SREBF1: variants seen among roughly 807,000 people sequenced by gnomAD.
SREBF1 encodes sterol regulatory element binding transcription factor 1, also known as sterol regulatory element-binding protein 1.
SREBF1 carries 45 observed loss-of-function variants against 100.1 expected under a neutral mutation model. The ratio of observed to expected loss-of-function variants is 0.45; its 90% CI spans 0.35 to 0.58. SREBF1 has a LOEUF of 0.58. Ranked by LOEUF, SREBF1 falls within the 20% of genes least tolerant of loss-of-function variation. The pLI is 0.00. For synonymous variants in SREBF1, 657 were observed against 681.8 expected, an observed-to-expected ratio of 0.96 and a Z score of 0.57; for missense variants, 1,324 against 1,539.4, an observed-to-expected ratio of 0.86 and a Z score of 2.34.
Position 17,812,821 on chromosome 17 carries a change from G to T in SREBF1, c.3245C>A (p.Thr1082Lys). Reference sequence around the variant, plus strand: ...CAAGGCCTCCGCGTGCTCCCGCCGCGTGGGCCGCGGCTCCAGCTCCGCCAC... The same window carrying T: ...CAAGGCCTCCGCGTGCTCCCGCCGCTTGGGCCGCGGCTCCAGCTCCGCCAC... ...GAVAELEPRP[T>K]RREHAEALLL... The change falls in exon 19 of 19, where the codon ACG becomes AAG. Residue 1082 changes from threonine (T) to lysine (K), a missense_variant. Coordinates refer to ENST00000261646, the MANE Select transcript of SREBF1 (RefSeq NM_004176.5). 1.4e-6 allele frequency: 2 copies of T among 1,480,854 alleles called. No individual in the cohort carries two copies. Among genetic ancestry groups the T allele is most frequent in the Non-Finnish European group, 1.8e-6 (2 of 1,122,038 alleles). 91.7% of individuals were successfully genotyped at this position (1,480,854 alleles called of 1,614,324 possible).
intron 1 of SREBF1, among the ~76,000 whole-genome samples, chr17:17,828,682 A>G (rs1359649229): frequency 1.3e-5 from 2 of 152,152 alleles, no homozygotes; most frequent in Non-Finnish European, 2.9e-5. Context: ...TTGGGAGGCA[A>G]AGGCAGGCAG....
Position 17,812,115 on chromosome 17 carries a change from TCTC to T in SREBF1, c.*504_*506del, listed in dbSNP as rs1338896078. 5.2e-5 allele frequency: 22 copies of T among 423,726 alleles called. No homozygotes were observed. The highest frequency in any genetic ancestry group is 7.7e-5 in the Non-Finnish European group (17 of 219,936). The allele number at this position is 423,726 out of a possible 1,614,324, so 26.2% of individuals were successfully genotyped here. A position where few individuals can be genotyped will look rare whatever the true frequency, so the allele number is the denominator to read the frequency against. On this transcript the variant is annotated 3_prime_UTR_variant, in exon 19 of 19. Coordinates refer to ENST00000261646, the MANE Select transcript of SREBF1 (RefSeq NM_004176.5). ...CATTTTTAATTCTCTGTACAAAACT[TCTC>T]AATCTATGAAAATAAAGTTTGCAAA...
intron 1 of SREBF1, chr17:17,820,899 A>G (rs1356805443): frequency 3.0e-6 from 1 of 330,482 alleles, no homozygotes; most frequent in Non-Finnish European, 5.8e-6. Context: ...ACATCTAGAA[A>G]CATCCTTAGT....
chr17:17,818,870 GA>G, intron 5 of SREBF1, 142 bp downstream of exon 5: 1 of 945,230 alleles, frequency 1.1e-6, no homozygotes, highest in Non-Finnish European at 1.7e-6. Context: ...CTAAATAAAC[GA>G]GGCTGGCCAG....
chr17:17,832,385 A>AC (rs1043937798), intron 1 of SREBF1, among the ~76,000 whole-genome samples: 4 of 151,556 alleles, frequency 2.6e-5, no homozygotes, highest in African/African-American at 9.7e-5. Flanking sequence ...CCCTGCTCTG[A>AC]CCCCCGACTG....
chr17:17,816,760 G>C, intron 9 of SREBF1, 42 bp from the exon 10 acceptor site: 1 of 1,566,760 alleles, frequency 6.4e-7, no homozygotes, highest in Non-Finnish European at 8.6e-7. Flanking sequence ...TGAGGTCAGA[G>C]CAGCTGCCCC....
intron 1 of SREBF1, among the ~76,000 whole-genome samples, chr17:17,833,397 G>T (rs2034998121): frequency 7.9e-6 from 1 of 126,736 alleles, no homozygotes; most frequent in African/African-American, 3.1e-5. Context: ...CTCCAGCCTG[G>T]GCGACAGAGC....
Position 17,813,752 on chromosome 17 carries a change from C to T in SREBF1, c.2919G>A (p.Leu973=), listed in dbSNP as rs1308006994. 2.0e-5 allele frequency: 30 copies of T among 1,535,518 alleles called. No homozygotes were observed. The highest frequency in any genetic ancestry group is 2.5e-5 in the Non-Finnish European group (29 of 1,146,796). Residue 973 remains leucine, a synonymous_variant, in exon 17 of 19, where the codon CTG becomes CTA. Transcript: ENST00000261646. ...SSIDKAVQLF[L]CDLLLVVRTS... ...TGCGCACCACAAGAAGCAGGTCACA[C>T]AGGAACAGCTGCACGGCCTGGGGGT...
In SREBF1 at chr17:17,812,760, C is replaced by T; in HGVS notation, c.3306G>A (p.Leu1102=). 1 of 1,540,450 alleles carries T rather than the reference C, an allele frequency of 6.5e-7. No individual in the cohort carries two copies. Among genetic ancestry groups the T allele is most frequent in the South Asian group, 1.2e-5 (1 of 84,896 alleles). Residue 1102 remains leucine (L), a synonymous_variant, in exon 19 of 19, where the codon CTG becomes CTA. Transcript: ENST00000261646. ...TGCCCACGCGCTGCCCGGGCGCCGACAGGAAGCCGGGGGGCAGGTAGCAGG... is the reference window on the plus strand; with the variant it reads ...TGCCCACGCGCTGCCCGGGCGCCGATAGGAAGCCGGGGGGCAGGTAGCAGG... ...LASCYLPPGF[L]SAPGQRVGML... is the part of the protein sequence containing the mutation.
At chr17:17,828,479 G>C (rs1697734594) in intron 1 of SREBF1, among the ~76,000 whole-genome samples, 2 of 152,214 alleles carry the variant, frequency 1.3e-5, no homozygotes, top group African/African-American at 4.8e-5. Context: ...ATGTGATGCT[G>C]GTCGGCACCA....
rs1431903380 is a variant in SREBF1 at position 17,819,007 on chromosome 17, C to T, written c.1068+6G>A. The T allele has an allele frequency of 1.2e-6, 2 of 1,612,512 alleles. No individual in the cohort carries two copies. Among genetic ancestry groups the T allele is most frequent in the Non-Finnish European group, 1.7e-6 (2 of 1,180,028 alleles). ...CCGGTCTGTGCCCCTGCAGGCCTCT[C>T]CACACCTTTGCCTCAGTGCCCACCA... On this transcript the variant is annotated splice_donor_region_variant and intron_variant, in intron 5 of 18. Coordinates refer to ENST00000261646, the MANE Select transcript of SREBF1 (RefSeq NM_004176.5).
In SREBF1 at chr17:17,816,039, G is replaced by T; in HGVS notation, c.2215-11C>A. 4 of 1,611,052 alleles carry T rather than the reference G, an allele frequency of 2.5e-6. No homozygotes were observed. Among genetic ancestry groups the T allele is most frequent in the Non-Finnish European group, 3.4e-6 (4 of 1,179,134 alleles). ...GCTCAGGAAGAAGCGCTGTAGGGGA[G>T]GGTACTGGGCTGTCACAGTGGACAC... is the stretch of plus-strand genomic sequence containing the variant. On this transcript the variant is annotated splice_polypyrimidine_tract_variant and intron_variant, in intron 11 of 18. Coordinates refer to ENST00000261646, the MANE Select transcript of SREBF1 (RefSeq NM_004176.5).
At chr17:17,816,078 A>G in intron 11 of SREBF1, 50 bp from the exon 12 acceptor site, 1 of 1,598,074 alleles carries the variant, frequency 6.3e-7, no homozygotes, top group Non-Finnish European at 8.5e-7. Flanking sequence ...CTGGGGCCAG[A>G]CCCCGGGCCG....
chr17:17,829,191 T>TAAAA lies in SREBF1; in HGVS notation c.91+7532_91+7535dup, dbSNP rs1253225038. 1.0e-3 allele frequency among the ~76,000 whole-genome samples: 46 copies of TAAAA among 44,928 alleles called. 2 individuals are homozygous for TAAAA. Among genetic ancestry groups the TAAAA allele is most frequent in the African/African-American group, 5.3e-3 (44 of 8,260 alleles). 29.5% of individuals were successfully genotyped at this position (44,928 alleles called of 152,430 possible). A position where few individuals can be genotyped will look rare whatever the true frequency, so the allele number is the denominator to read the frequency against. On this transcript the variant is annotated intron_variant, in intron 1 of 18. Transcript: ENST00000261646. ...CTGGTGACAGAACGAGACTCCATCT[T>TAAAA]AAAAAAAAAAAAAAATATATATATA...
Position 17,819,101 on chromosome 17 carries a change from G to C in SREBF1, c.980C>G (p.Ala327Gly). The C allele has an allele frequency of 6.2e-7, 1 of 1,614,070 alleles. No homozygotes were observed. Among genetic ancestry groups the C allele is most frequent in the Non-Finnish European group, 8.5e-7 (1 of 1,180,048 alleles). Residue 327 changes from alanine to glycine, a missense_variant, in exon 5 of 19, where the codon GCC becomes GGC. Ala to Gly is a moderately conservative substitution (Grantham distance 60, BLOSUM62 0). Coordinates refer to ENST00000261646, the MANE Select transcript of SREBF1 (RefSeq NM_004176.5). ...GTAGCGCTTCTCAATGGCGTTGTGG[G>C]CTGTGCGCTTCTCTCCACGGCTCTG... is the stretch of plus-strand genomic sequence containing the variant. ...SAQSRGEKRT[A>G]HNAIEKRYRS... is the part of the protein sequence containing the mutation.
At chr17:17,836,239 G>A (rs1030736305) in intron 1 of SREBF1, among the ~76,000 whole-genome samples, 1 of 152,292 alleles carries the variant, frequency 6.6e-6, no homozygotes, top group African/African-American at 2.4e-5. Context: ...CCCGACACGA[G>A]GCGGGGGAAG....
rs1056835730 is a variant in SREBF1 at position 17,816,551 on chromosome 17, G to A, written c.1953C>T (p.Gly651=). ...VGRWLAGRAG[G]LQQDCALRVD... The stretch of plus-strand genomic sequence containing the variant: ...CTCGCAGAGCACAGTCCTGCTGCAG[G>A]CCCCCTGCCCGGCCTGCCAGCCAGC... The change falls in exon 10 of 19, where the codon GGC becomes GGT. Residue 651 remains glycine, a synonymous_variant. Coordinates refer to ENST00000261646, the MANE Select transcript of SREBF1 (RefSeq NM_004176.5). 2 of 1,603,100 alleles carry A rather than the reference G, an allele frequency of 1.2e-6. No individual in the cohort carries two copies. Among genetic ancestry groups the A allele is most frequent in the Non-Finnish European group, 1.7e-6 (2 of 1,175,950 alleles).
In SREBF1 at chr17:17,813,562, C is replaced by T; in HGVS notation, c.3102+7G>A. On this transcript the variant is annotated splice_region_variant and intron_variant, in intron 17 of 18. Coordinates refer to ENST00000261646, the MANE Select transcript of SREBF1 (RefSeq NM_004176.5). ...CCGTCTTGAGGACAGGGCCATCGGG[C>T]ACTCACCCTCCGCATGGCGGGCCGG... is the stretch of plus-strand genomic sequence containing the variant. 6.3e-7 allele frequency: 1 copy of T among 1,595,458 alleles called. No individual in the cohort carries two copies. The highest frequency in any genetic ancestry group is 8.5e-7 in the Non-Finnish European group (1 of 1,173,262).
chr17:17,813,778 G>A lies in SREBF1; in HGVS notation c.2902-9C>T, dbSNP rs1159140524. 6.5e-7 allele frequency: 1 copy of A among 1,535,126 alleles called. No homozygotes were observed. Among genetic ancestry groups the A allele is most frequent in the East Asian group, 2.4e-5 (1 of 40,896 alleles). On this transcript the variant is annotated splice_polypyrimidine_tract_variant and intron_variant, in intron 16 of 18. Coordinates refer to ENST00000261646, the MANE Select transcript of SREBF1 (RefSeq NM_004176.5). ...AGGAACAGCTGCACGGCCTGGGGGT[G>A]GCAGGCAGGGCAGGGGTCACCAGGG...
Sources: allele counts gnomAD v4.1 joint callset (sites outside exome capture counted in the v4.1 genomes callset), GRCh38; gene constraint gnomAD v4.1.1; transcripts MANE v1.5; gene names NCBI Gene and HGNC (gene_info 2026-07-23, HGNC 2026-07-21).